Variants in COL11A1 observed in about 807,000 individuals in gnomAD.
The protein encoded by COL11A1 is collagen alpha-1(XI) chain.
In COL11A1, 74 loss-of-function variants were observed where a neutral mutation model predicts 265.2. The observed-to-expected ratio is 0.28, with a 90% CI of 0.23 to 0.34. The LOEUF (loss-of-function observed/expected upper bound fraction) is 0.34. Ranked by LOEUF, COL11A1 falls within the 10% of genes least tolerant of loss-of-function variation. The pLI, the probability that COL11A1 is intolerant of heterozygous loss-of-function variation, is 1.00. For synonymous variants in COL11A1, 816 were observed against 727.6 expected (o/e 1.12, Z -1.96); for missense variants, 2,165 against 2,263.6 (o/e 0.96, Z 0.88).
intron 1 of COL11A1, among the ~76,000 whole-genome samples, chr1:103,096,655 A>G (rs1228689630): frequency 6.6e-6 from 1 of 152,006 alleles, no homozygotes; most frequent in Admixed American, 6.6e-5. Context: ...TTAATCAATC[A>G]ATGACATGAT....
In COL11A1 at chr1:103,004,557, T is replaced by G. The variant is rs2101843285; in HGVS notation, c.1899+51A>C. 1.9e-6 allele frequency: 3 copies of G among 1,584,326 alleles called. No homozygotes were observed. In the East Asian group the frequency reaches 6.9e-5, roughly 36 times the overall value. ...TGTATCATTTCAACATGATTTTGTTTTATTATGTTTTAATTTTAAATATTT... is the reference window on the plus strand; with the variant it reads ...TGTATCATTTCAACATGATTTTGTTGTATTATGTTTTAATTTTAAATATTT... On this transcript the variant is annotated intron_variant, in intron 19 of 66. Coordinates refer to ENST00000370096, the MANE Select transcript of COL11A1 (RefSeq NM_001854.4).
chr1:103,098,512 A>G (rs1283728665), intron 1 of COL11A1, among the ~76,000 whole-genome samples: 2 of 151,900 alleles, frequency 1.3e-5, no homozygotes, highest in Non-Finnish European at 2.9e-5. Flanking sequence ...TAATTATGAT[A>G]CTAAGCCACG....
intron 46 of COL11A1, among the ~76,000 whole-genome samples, chr1:102,927,394 A>G (rs1656718501): frequency 6.6e-6 from 1 of 152,206 alleles, no homozygotes; most frequent in Non-Finnish European, 1.5e-5. Flanking sequence ...TATAGGAAGC[A>G]GTGAACATCA....
chr1:103,071,128 A>T (rs1436358454), intron 4 of COL11A1, among the ~76,000 whole-genome samples: 2 of 151,990 alleles, frequency 1.3e-5, no homozygotes, highest in Non-Finnish European at 2.9e-5. Flanking sequence ...AAGCTTTTCT[A>T]CTCAAATAGC....
intron 1 of COL11A1, among the ~76,000 whole-genome samples, chr1:103,083,662 T>C (rs1470911301): frequency 2.6e-5 from 4 of 152,192 alleles, no homozygotes; most frequent in Non-Finnish European, 5.9e-5. Context: ...CAGGTACTTA[T>C]ATATGCACAC....
chr1:103,100,715 A>ATT (rs1487440315), intron 1 of COL11A1: 1 of 152,030 alleles, frequency 6.6e-6, no homozygotes, highest in Non-Finnish European at 1.5e-5. Context: ...GTATAGAAGC[A>ATT]TTAGAACACC....
intron 4 of COL11A1, among the ~76,000 whole-genome samples, chr1:103,044,037 G>A (rs569234829): frequency 3.9e-5 from 6 of 152,004 alleles, no homozygotes; most frequent in Non-Finnish European, 5.9e-5. Flanking sequence ...CATATACAAG[G>A]CTGAAATTAA....
At position 103,082,982 on chromosome 1, in the gene COL11A1, A is replaced by G; in HGVS notation, c.107-10T>C. ...ACATCAACTGGAGCAGCTGAAAAAT[A>G]AGCAAACAATAAAAAACCAGAATTG... On this transcript the variant is annotated splice_polypyrimidine_tract_variant and intron_variant, in intron 1 of 66. Transcript: ENST00000370096. 3.7e-6 allele frequency: 6 copies of G among 1,612,178 alleles called. No homozygotes were observed. Among genetic ancestry groups the G allele is most frequent in the Non-Finnish European group, 4.2e-6 (5 of 1,179,004 alleles).
At chr1:103,061,616 A>C (rs1670682122) in intron 4 of COL11A1, among the ~76,000 whole-genome samples, 2 of 152,054 alleles carry the variant, frequency 1.3e-5, no homozygotes, top group African/African-American at 4.8e-5. Flanking sequence ...ACATACTTCT[A>C]ACTAATACAT....
Position 102,887,059 on chromosome 1 carries a change from G to C in COL11A1, c.4609-3C>G. 1.2e-6 allele frequency: 2 copies of C among 1,613,624 alleles called. No homozygotes were observed. Among genetic ancestry groups the C allele is most frequent in the Non-Finnish European group, 1.7e-6 (2 of 1,179,738 alleles). On this transcript the variant is annotated splice_region_variant and splice_polypyrimidine_tract_variant and intron_variant, in intron 62 of 66. Coordinates refer to ENST00000370096, the MANE Select transcript of COL11A1 (RefSeq NM_001854.4). ...TGAATGACTTCACCAGGTGGACCCT[G>C]TAAAGAAGATAATGTGAGTGCAATT... is the stretch of plus-strand genomic sequence containing the variant.
chr1:103,091,642 G>A (rs1484715970), intron 1 of COL11A1, among the ~76,000 whole-genome samples: 6 of 151,952 alleles, frequency 3.9e-5, no homozygotes, highest in Non-Finnish European at 7.4e-5. Flanking sequence ...AATTTTCCCC[G>A]AAGGGTTTTA....
intron 3 of COL11A1, among the ~76,000 whole-genome samples, chr1:103,077,274 C>G (rs773841541): frequency 2.7e-5 from 4 of 150,842 alleles, no homozygotes; most frequent in Non-Finnish European, 5.9e-5. Flanking sequence ...GTAAACACTA[C>G]CTGCTAGTTT....
At chr1:103,106,588 G>A (rs1674709328) in intron 1 of COL11A1, among the ~76,000 whole-genome samples, 1 of 152,150 alleles carries the variant, frequency 6.6e-6, no homozygotes, top group African/African-American at 2.4e-5. Flanking sequence ...CTTTTTGATG[G>A]ATTTCACTTT....
chr1:102,939,974 C>G (rs932157942), intron 43 of COL11A1, among the ~76,000 whole-genome samples: 1 of 152,034 alleles, frequency 6.6e-6, no homozygotes, highest in Admixed American at 6.5e-5. Flanking sequence ...TCTTATTGTA[C>G]AATATCCAAG....
At chr1:103,028,725 C>T (rs572769512) in intron 5 of COL11A1, among the ~76,000 whole-genome samples, 1 of 152,180 alleles carries the variant, frequency 6.6e-6, no homozygotes, top group East Asian at 1.9e-4. Context: ...CAGTAAAAAC[C>T]TGTGCATCTA....
Position 102,988,344 on chromosome 1 carries a change from C to T in COL11A1, c.2395-604G>A, listed in dbSNP as rs554588664. On this transcript the variant is annotated intron_variant, in intron 29 of 66. Transcript: ENST00000370096. The stretch of plus-strand genomic sequence containing the variant: ...TGCTCACCAAACTATCTTTAAAAAA[C>T]CCTATCCTCCAAATTTTTGTGGAGG... Among the ~76,000 whole-genome samples the T allele has an allele frequency of 1.4e-3, 214 of 152,242 alleles. 2 individuals carry two copies. The highest frequency in any genetic ancestry group is 2.2e-3 in the Non-Finnish European group (150 of 68,006).
rs1841836 is a variant in COL11A1, at chr1:102,890,680, T to C, written c.4303-176A>G. ...GTAAATTTATATATTTAAAACACTATGGTTTAATTTGTAACCATAATATTG... is the reference window on the plus strand; with the variant it reads ...GTAAATTTATATATTTAAAACACTACGGTTTAATTTGTAACCATAATATTG... On this transcript the variant is annotated intron_variant, in intron 57 of 66. Coordinates refer to ENST00000370096, the MANE Select transcript of COL11A1 (RefSeq NM_001854.4). Among the ~76,000 whole-genome samples, 6,166 of 152,138 alleles carry C rather than the reference T, an allele frequency of 0.041. 397 individuals carry two copies. Among genetic ancestry groups the C allele is most frequent in the African/African-American group, 0.14 (5,836 of 41,512 alleles).
chr1:103,066,555 C>CAAA (rs35403453), intron 4 of COL11A1, among the ~76,000 whole-genome samples: 134 of 106,220 alleles, frequency 1.3e-3, no homozygotes, highest in African/African-American at 3.9e-3. Context: ...CCCTCAGCAC[C>CAAA]AAAAAAAAAA....
At position 102,886,866 on chromosome 1, in the gene COL11A1, T is replaced by C; in HGVS notation, c.4799A>G (p.Gln1600Arg). Reference protein sequence around the residue: ...IEHMKFPMGTQTNPARTCKDL... With the variant: ...IEHMKFPMGTRTNPARTCKDL... ...TTTACAAGTTCGGGCTGGATTGGTC[T>C]GAGTACCCATTGGAAATTTCATATG... The change falls in exon 63 of 67, where the codon CAG becomes CGG. Residue 1600 changes from glutamine (Q) to arginine (R), a missense_variant. Coordinates refer to ENST00000370096, the MANE Select transcript of COL11A1 (RefSeq NM_001854.4). 1 of 1,613,960 alleles carries C rather than the reference T, an allele frequency of 6.2e-7. No individual in the cohort carries two copies. The highest frequency in any genetic ancestry group is 8.5e-7 in the Non-Finnish European group (1 of 1,179,864).
Sources: gnomAD v4.1 joint callset for allele counts (sites outside exome capture counted in the v4.1 genomes callset) on GRCh38, gnomAD v4.1.1 for gene constraint, MANE v1.5 for transcripts, NCBI Gene and HGNC (gene_info 2026-07-23, HGNC 2026-07-21) for gene names.